The following CCDC125 variants were observed in gnomAD, a reference collection of about 807,000 sequenced individuals.
CCDC125 encodes the protein coiled-coil domain-containing protein 125.
Under a neutral mutation model 57.4 loss-of-function variants are expected in CCDC125, and 43 were observed. The ratio of observed to expected loss-of-function variants is 0.75; its 90% CI spans 0.59 to 0.97. The LOEUF is 0.97. Among genes scored for constraint, CCDC125 ranks in the 50% least tolerant of loss-of-function variants. The probability of loss-of-function intolerance (pLI) is 0.00; values close to 1 mark genes in which losing one functional copy is unlikely to be tolerated. For missense variants in CCDC125, 563 were observed against 595.7 expected, an observed-to-expected ratio of 0.95 and a Z score of 0.57; for synonymous variants, 187 against 195.2, an observed-to-expected ratio of 0.96 and a Z score of 0.35.
At chr5:69,289,841 C>T (rs562530722) in intron 10 of CCDC125, among the ~76,000 whole-genome samples, 1 of 127,856 alleles carries the variant, frequency 7.8e-6, no homozygotes, top group South Asian at 2.5e-4. Flanking sequence ...CCAGCCTGGG[C>T]AACAGGATAA....
rs1755085889 is a variant in CCDC125, at chr5:69,294,977, A to T, written c.817-77T>A. The T allele has an allele frequency of 4.1e-6, 5 of 1,210,176 alleles. No homozygotes were observed. The African/African-American group carries it at 6.0e-5, about 15-fold the overall frequency. The allele number at this position is 1,210,176 out of a possible 1,614,324, so 75.0% of individuals were successfully genotyped here. ...TGCACACAAACACAGGGGCATTTAC[A>T]CACATACCCATGCACACTACTACTC... On this transcript the variant is annotated intron_variant, in intron 8 of 11. Coordinates refer to ENST00000396496, the MANE Select transcript of CCDC125 (RefSeq NM_176816.5).
At chr5:69,293,418 A>G (rs561248654) in intron 9 of CCDC125, among the ~76,000 whole-genome samples, 7 of 152,088 alleles carry the variant, frequency 4.6e-5, no homozygotes, top group Non-Finnish European at 8.8e-5. Context: ...TTGGGGGGCC[A>G]AGGCGGGTGG....
chr5:69,276,843 T>C, downstream of CCDC125: 1 of 739,076 alleles, frequency 1.4e-6, no homozygotes, highest in Non-Finnish European at 2.2e-6. Context: ...GACTGTGCCG[T>C]TTTAGGTATG....
downstream of CCDC125, among the ~76,000 whole-genome samples, chr5:69,278,403 T>TG (rs1163931715): frequency 1.4e-5 from 2 of 147,648 alleles, no homozygotes; most frequent in African/African-American, 2.5e-5. Flanking sequence ...TTAGTAGAGA[T>TG]GGGGTTTCAC....
intron 7 of CCDC125, among the ~76,000 whole-genome samples, chr5:69,301,506 G>A (rs1054164345): frequency 1.3e-5 from 2 of 151,916 alleles, no homozygotes; most frequent in African/African-American, 2.4e-5. Context: ...AGGCCAAGGC[G>A]AGCAGATCAC....
At chr5:69,328,546 T>C (rs1761006935) in intron 1 of CCDC125, among the ~76,000 whole-genome samples, 1 of 152,070 alleles carries the variant, frequency 6.6e-6, no homozygotes, top group Non-Finnish European at 1.5e-5. Flanking sequence ...AGCAACATGA[T>C]AAATGCTCAC....
chr5:69,321,003 G>T (rs969469964), intron 1 of CCDC125, among the ~76,000 whole-genome samples: 2 of 152,124 alleles, frequency 1.3e-5, no homozygotes, highest in Non-Finnish European at 2.9e-5. Context: ...AAAGAAAAAT[G>T]GTGGTTACCA....
the CCDC125 span, among the ~76,000 whole-genome samples, chr5:69,274,620 A>G: frequency 2.0e-5 from 3 of 152,016 alleles, no homozygotes; most frequent in African/African-American, 7.2e-5. Flanking sequence ...GGAAGTATTT[A>G]TTTATTTATT....
At chr5:69,290,664 C>CT (rs1754296081) in intron 10 of CCDC125, among the ~76,000 whole-genome samples, 1 of 119,532 alleles carries the variant, frequency 8.4e-6, no homozygotes, top group South Asian at 2.6e-4. Flanking sequence ...CAGTCTTGCT[C>CT]TTTCCCCCAG....
intron 2 of CCDC125, among the ~76,000 whole-genome samples, chr5:69,316,078 T>C (rs1257453342): frequency 1.3e-5 from 2 of 152,168 alleles, no homozygotes; most frequent in Non-Finnish European, 2.9e-5. Context: ...TTCATTAACA[T>C]GACAGTATCT....
At chr5:69,321,496 G>A (rs1436005502) in intron 1 of CCDC125, among the ~76,000 whole-genome samples, 1 of 152,174 alleles carries the variant, frequency 6.6e-6, no homozygotes, top group Non-Finnish European at 1.5e-5. Context: ...ATACCCCTGG[G>A]CTACATGGTA....
rs1761567645 is a variant in CCDC125 at position 69,332,765 on chromosome 5, C to G, written c.-157G>C. 1 of 152,680 alleles carries G rather than the reference C, an allele frequency of 6.5e-6. No homozygotes were observed. Among genetic ancestry groups the G allele is most frequent in the Non-Finnish European group, 1.5e-5 (1 of 68,406 alleles). The allele number at this position is 152,680 out of a possible 1,614,324, so 9.5% of individuals were successfully genotyped here. On this transcript the variant is annotated 5_prime_UTR_variant, in exon 1 of 12. Transcript: ENST00000396496. Reference sequence around the variant, plus strand: ...CCGGCGCCCCACTCAGCTCGCTCACCTGGCAAGTAGCCTCCTCTCCGTGCG... The same window carrying G: ...CCGGCGCCCCACTCAGCTCGCTCACGTGGCAAGTAGCCTCCTCTCCGTGCG...
In CCDC125 at chr5:69,286,209, T is replaced by C. The variant is rs1367087637; in HGVS notation, c.1100-742A>G. Among the ~76,000 whole-genome samples, 3 of 120,150 alleles carry C rather than the reference T, an allele frequency of 2.5e-5. 1 individual carries two copies. 78.8% of individuals were successfully genotyped at this position (120,150 alleles called of 152,430 possible). On this transcript the variant is annotated intron_variant, in intron 10 of 11. Transcript: ENST00000396496. ...TAAACTATATATATATATATATATATATATATATATATATATATATATATA... is the reference window on the plus strand; with the variant it reads ...TAAACTATATATATATATATATATACATATATATATATATATATATATATA...
At chr5:69,294,587 C>T (rs1231913660) in intron 9 of CCDC125, among the ~76,000 whole-genome samples, 1 of 152,168 alleles carries the variant, frequency 6.6e-6, no homozygotes, top group Non-Finnish European at 1.5e-5. Context: ...GCCACCGCAC[C>T]CTGCCCCAAG....
intron 10 of CCDC125, among the ~76,000 whole-genome samples, chr5:69,286,210 A>ATG (rs1753358833): frequency 8.3e-6 from 1 of 120,098 alleles, no homozygotes; most frequent in South Asian, 3.0e-4. Flanking sequence ...ATATATATAT[A>ATG]TATATATATA....
chr5:69,292,392 C>G (rs1383379805), intron 9 of CCDC125, 30 bp from the exon 10 acceptor site: 1 of 1,583,110 alleles, frequency 6.3e-7, no homozygotes, highest in Non-Finnish European at 8.6e-7. Context: ...TGGGAGGTGT[C>G]AGAGGCAAAA....
rs1752515130 is a variant in CCDC125 at position 69,281,903 on chromosome 5, T to TG, written c.*825_*826insC. On this transcript the variant is annotated 3_prime_UTR_variant, in exon 12 of 12. Coordinates refer to ENST00000396496, the MANE Select transcript of CCDC125 (RefSeq NM_176816.5). ...AAACACTGTAATGTGTTTTTTTTTT[T>TG]TTTTGAGACAGAGTTTCGCTCTTGT... 6.6e-6 allele frequency: 1 copy of TG among 152,026 alleles called. No individual in the cohort carries two copies. The highest frequency in any genetic ancestry group is 1.5e-5 in the Non-Finnish European group (1 of 68,004). 9.4% of individuals were successfully genotyped at this position (152,026 alleles called of 1,614,324 possible). A position where few individuals can be genotyped will look rare whatever the true frequency, so the allele number is the denominator to read the frequency against.
intron 10 of CCDC125, among the ~76,000 whole-genome samples, chr5:69,286,356 C>A (rs952275979): frequency 1.3e-5 from 2 of 150,300 alleles, no homozygotes; most frequent in Non-Finnish European, 3.0e-5. Context: ...CTCAGCCTCC[C>A]GAGTAGCTGG....
chr5:69,283,508 C>T (rs564644046), intron 11 of CCDC125, among the ~76,000 whole-genome samples: 6 of 151,536 alleles, frequency 4.0e-5, no homozygotes, highest in Admixed American at 2.6e-4. Flanking sequence ...GCGTGAGCCA[C>T]CGTGCCCGGC....
Sources: allele counts gnomAD v4.1 joint callset (sites outside exome capture counted in the v4.1 genomes callset), GRCh38; gene constraint gnomAD v4.1.1; transcripts MANE v1.5; gene names NCBI Gene and HGNC (gene_info 2026-07-23, HGNC 2026-07-21).